ADGRE5: variants seen among roughly 807,000 people sequenced by gnomAD.
ADGRE5 encodes CD97 molecule.
A neutral mutation model predicts 100.3 loss-of-function variants in ADGRE5; 72 were observed. The observed-to-expected ratio is 0.72, with a 90% CI of 0.59 to 0.87. ADGRE5 has a LOEUF of 0.87. Ranked by LOEUF, ADGRE5 falls within the 40% of genes least tolerant of loss-of-function variation. ADGRE5 has a pLI of 0.00. For synonymous variants in ADGRE5, 439 were observed against 447.8 expected (o/e 0.98, Z 0.25); for missense variants, 959 against 1,094.7 (o/e 0.88, Z 1.75).
chr19:14,388,743 G>A lies in ADGRE5; in HGVS notation c.115G>A (p.Ala39Thr), dbSNP rs1298054833. 1 of 1,613,776 alleles carries A rather than the reference G, an allele frequency of 6.2e-7. No homozygotes were observed. The highest frequency in any genetic ancestry group is 8.5e-7 in the Non-Finnish European group (1 of 1,180,014). Residue 39 changes from alanine to threonine, a missense_variant, in exon 3 of 20, where the codon GCC becomes ACC. Ala to Thr is a moderately conservative substitution (Grantham distance 58). Around this residue, in one of 6 missense-constraint regions of ADGRE5, gnomAD observed 114 missense variants for 195.7 expected, o/e 0.58. Transcript: ENST00000242786. ...CCCTCAGAACTCCTCGTGTGTCAAT[G>A]CCACCGCCTGTCGCTGCAATCCAGG... is the stretch of plus-strand genomic sequence containing the variant. ...WCPQNSSCVNATACRCNPGFS... is the reference protein window; with the variant it reads ...WCPQNSSCVNTTACRCNPGFS...
chr19:14,406,043 GGC>G lies in ADGRE5; in HGVS notation c.1821+105_1821+106del. 9.8e-7 allele frequency: 1 copy of G among 1,021,562 alleles called. No individual in the cohort carries two copies. The highest frequency in any genetic ancestry group is 1.4e-6 in the Non-Finnish European group (1 of 717,372). The allele number at this position is 1,021,562 out of a possible 1,614,324, so 63.3% of individuals were successfully genotyped here. ...CTCAGTCGGGTAGGCGGGCCCTGGA[GGC>G]ATGAGGCCCCGCCCCTGTCCGGGAT... On this transcript the variant is annotated intron_variant, in intron 14 of 19. Coordinates refer to ENST00000242786, the MANE Select transcript of ADGRE5 (RefSeq NM_078481.4). This position sits in a 1 kb window ranked among gnomAD's most constrained non-coding sequence, Gnocchi z 6.0.
chr19:14,391,454 A>G (rs759666315), intron 4 of ADGRE5: 27 of 215,668 alleles, frequency 1.3e-4, no homozygotes, highest in Non-Finnish European at 2.5e-4. Context: ...GCCCATAGCA[A>G]CATAGCAAGA....
At chr19:14,385,325 C>T (rs1360427821) in intron 1 of ADGRE5, among the ~76,000 whole-genome samples, 4 of 151,838 alleles carry the variant, frequency 2.6e-5, no homozygotes, top group African/African-American at 9.7e-5. Flanking sequence ...CACCTTCTGT[C>T]TCTCTGTCTC....
At chr19:14,405,447 A>C in intron 13 of ADGRE5, 1 of 340,602 alleles carries the variant, frequency 2.9e-6, no homozygotes, top group Non-Finnish European at 5.3e-6. Context: ...CCCAGCCTGG[A>C]GCACCACTTT....
rs190995220 is a variant in ADGRE5 at position 14,397,312 on chromosome 19, G to C, written c.625+89G>C. 1.2e-5 allele frequency: 19 copies of C among 1,587,458 alleles called. No homozygotes were observed. In the East Asian group the frequency reaches 4.0e-4, roughly 34 times the overall value. On this transcript the variant is annotated intron_variant, in intron 6 of 19. Transcript: ENST00000242786. ...CCCACACAAACCAAGCAGAATGAGC[G>C]CTGGAGGCACCTGGCTGTGCCAGGC...
intron 6 of ADGRE5, 51 bp from the exon 7 acceptor site, chr19:14,397,607 G>A (rs769488464): frequency 5.6e-6 from 9 of 1,603,666 alleles, no homozygotes; most frequent in African/African-American, 1.3e-5. Context: ...ACAGGAGACA[G>A]GACCCTCTCC....
In ADGRE5 at chr19:14,406,274, C is replaced by T; in HGVS notation, c.1822-57C>T. On this transcript the variant is annotated intron_variant, in intron 14 of 19. Coordinates refer to ENST00000242786, the MANE Select transcript of ADGRE5 (RefSeq NM_078481.4). The surrounding 1 kb of genome is among the most constrained non-coding windows in gnomAD (Gnocchi z 6.0). ...GGACCTGGCAGGCGACTGGCTCTGG[C>T]GCCGCATGCCCCTCCCCGCGCTGAC... is the stretch of plus-strand genomic sequence containing the variant. 2 of 1,343,662 alleles carry T rather than the reference C, an allele frequency of 1.5e-6. No homozygotes were observed. The highest frequency in any genetic ancestry group is 2.0e-6 in the Non-Finnish European group (2 of 987,616). The allele number at this position is 1,343,662 out of a possible 1,614,324, so 83.2% of individuals were successfully genotyped here. A position where few individuals can be genotyped will look rare whatever the true frequency, so the allele number is the denominator to read the frequency against.
At chr19:14,392,256 C>A (rs1975627689) in intron 4 of ADGRE5, among the ~76,000 whole-genome samples, 1 of 151,972 alleles carries the variant, frequency 6.6e-6, no homozygotes, top group South Asian at 2.1e-4. Context: ...TCTACAAAAA[C>A]AAAAATATAG....
chr19:14,388,278 G>A (rs1321427845), intron 1 of ADGRE5, among the ~76,000 whole-genome samples, 172 bp from the exon 2 acceptor site: 13 of 151,882 alleles, frequency 8.6e-5, no homozygotes, highest in Non-Finnish European at 1.6e-4. Context: ...CAGGGTGACA[G>A]ACTCTTTGGC....
At chr19:14,385,628 C>CG (rs34265241) in intron 1 of ADGRE5, among the ~76,000 whole-genome samples, 5,037 of 152,148 alleles carry the variant, frequency 0.033, 195 homozygotes, top group East Asian at 0.15. Flanking sequence ...GAGGGGGGCC[C>CG]GGGGGTGAAA....
In ADGRE5 at chr19:14,408,130, G is replaced by A. The variant is rs369644066; in HGVS notation, c.*9G>A. ...CAGAGTCCGGCATATGAAGGCGCAT[G>A]GTTCTGGACGGCCCAGCAGCTCCTG... On this transcript the variant is annotated 3_prime_UTR_variant, in exon 20 of 20. Transcript: ENST00000242786. The A allele has an allele frequency of 1.9e-6, 3 of 1,612,542 alleles. No homozygotes were observed. The highest frequency in any genetic ancestry group is 2.5e-6 in the Non-Finnish European group (3 of 1,179,908).
chr19:14,406,749 G>A lies in ADGRE5; in HGVS notation c.2098G>A (p.Val700Met), dbSNP rs777777769. 10 of 1,614,022 alleles carry A rather than the reference G, an allele frequency of 6.2e-6. No individual in the cohort carries two copies. Among genetic ancestry groups the A allele is most frequent in the Middle Eastern group, 3.3e-4 (2 of 6,084 alleles). ...CTTCCTCTGGAGCTTCTTGGGACCTGTGACCTTCATCATTTTGGTAAGTAC... is the reference window on the plus strand; with the variant it reads ...CTTCCTCTGGAGCTTCTTGGGACCTATGACCTTCATCATTTTGGTAAGTAC... ...QGFLWSFLGP[V>M]TFIILCNAVI... Residue 700 changes from valine to methionine, a missense_variant, in exon 16 of 20, where the codon GTG becomes ATG. This residue lies in a region of ADGRE5 where 428 missense variants were observed against 386.2 expected (regional missense o/e 1.11). Coordinates refer to ENST00000242786, the MANE Select transcript of ADGRE5 (RefSeq NM_078481.4). The surrounding 1 kb of genome is among the most constrained non-coding windows in gnomAD (Gnocchi z 6.0).
At position 14,404,439 on chromosome 19, in the gene ADGRE5, C is replaced by T. The variant is rs779947075; in HGVS notation, c.1506C>T (p.Ser502=). Residue 502 remains serine, a synonymous_variant, in exon 13 of 20, where the codon AGC becomes AGT. Transcript: ENST00000242786. ...ELLCAFWKSD[S]DRGGHWATEG... is the part of the protein sequence containing the mutation. ...TCTGTGCCTTCTGGAAGAGTGACAG[C>T]GACAGGGGAGGGCACTGGGCCACCG... The T allele has an allele frequency of 1.7e-5, 28 of 1,611,834 alleles. No homozygotes were observed. Among genetic ancestry groups the T allele is most frequent in the Admixed American group, 6.7e-5 (4 of 59,936 alleles).
At chr19:14,385,782 T>C (rs1022990182) in intron 1 of ADGRE5, among the ~76,000 whole-genome samples, 2 of 151,360 alleles carry the variant, frequency 1.3e-5, no homozygotes, top group South Asian at 2.1e-4. Context: ...TTTTTTTTTT[T>C]TTTTCTGAGA....
chr19:14,381,637 T>C (rs1975160464), intron 1 of ADGRE5, 92 bp downstream of exon 1: 1 of 1,428,388 alleles, frequency 7.0e-7, no homozygotes, highest in African/African-American at 1.5e-5. Flanking sequence ...CGCTGGTGTC[T>C]GTGGGGCCTG....
In ADGRE5 at chr19:14,408,239, C is replaced by T. The variant is rs550271907; in HGVS notation, c.*118C>T. ...TCCCTCCACCCTCCCTCCCTGATCC[C>T]GTGTGCCACCAGGAGGGAGTGGCAG... On this transcript the variant is annotated 3_prime_UTR_variant, in exon 20 of 20. Coordinates refer to ENST00000242786, the MANE Select transcript of ADGRE5 (RefSeq NM_078481.4). The T allele has an allele frequency of 1.2e-4, 138 of 1,168,064 alleles. No homozygotes were observed. Among genetic ancestry groups the T allele is most frequent in the South Asian group, 9.6e-4 (74 of 76,994 alleles). The allele number at this position is 1,168,064 out of a possible 1,614,324, so 72.4% of individuals were successfully genotyped here.
At chr19:14,388,237 A>G (rs1307661780) in intron 1 of ADGRE5, among the ~76,000 whole-genome samples, 1 of 151,812 alleles carries the variant, frequency 6.6e-6, no homozygotes, top group Non-Finnish European at 1.5e-5. Context: ...CAAAAAAAAA[A>G]CAAAAACAAA....
Position 14,406,826 on chromosome 19 carries a change from C to T in ADGRE5, c.2116-43C>T. 1 of 1,610,824 alleles carries T rather than the reference C, an allele frequency of 6.2e-7. No individual in the cohort carries two copies. On this transcript the variant is annotated intron_variant, in intron 16 of 19. Coordinates refer to ENST00000242786, the MANE Select transcript of ADGRE5 (RefSeq NM_078481.4). This position sits in a 1 kb window ranked among gnomAD's most constrained non-coding sequence, Gnocchi z 6.0. Reference sequence around the variant, plus strand: ...CGCCACAGGCCCAGGCCCGGCTGGACCATCGCTCTCGCCCTCTAACCCACA... The same window carrying T: ...CGCCACAGGCCCAGGCCCGGCTGGATCATCGCTCTCGCCCTCTAACCCACA...
At chr19:14,404,329 G>A (rs1172530303) in intron 12 of ADGRE5, 54 bp from the exon 13 acceptor site, 7 of 1,533,850 alleles carry the variant, frequency 4.6e-6, no homozygotes, top group African/African-American at 2.8e-5. Flanking sequence ...CCAAGCCCAG[G>A]ACCTAAGAGT....
Sources: allele counts gnomAD v4.1 joint callset (sites outside exome capture counted in the v4.1 genomes callset), GRCh38; gene constraint gnomAD v4.1.1; regional missense constraint gnomAD v4.1.1; non-coding constraint Gnocchi (gnomAD v3.1); transcripts MANE v1.5; gene names NCBI Gene and HGNC (gene_info 2026-07-23, HGNC 2026-07-21).